Variants in GBF1 observed in about 807,000 individuals in gnomAD.
GBF1 encodes Golgi-specific brefeldin A-resistance guanine nucleotide exchange factor 1.
Under a neutral mutation model 210.5 loss-of-function variants are expected in GBF1, and 114 were observed. The ratio of observed to expected loss-of-function variants is 0.54; its 90% CI spans 0.47 to 0.63. GBF1 has a LOEUF of 0.63. GBF1 is among the 30% of genes least tolerant of loss of function. The pLI is 0.00. For synonymous variants in GBF1, 850 were observed against 889.2 expected (o/e 0.96, Z 0.78); for missense variants, 1,851 against 2,357.7 (o/e 0.79, Z 4.45).
In GBF1 at chr10:102,363,890, C is replaced by A; in HGVS notation, c.2106+92C>A. 1.3e-6 allele frequency: 1 copy of A among 786,504 alleles called. No individual in the cohort carries two copies. The highest frequency in any genetic ancestry group is 2.2e-6 in the Non-Finnish European group (1 of 460,124). The allele number at this position is 786,504 out of a possible 1,614,324, so 48.7% of individuals were successfully genotyped here. On this transcript the variant is annotated intron_variant, in intron 17 of 39. Coordinates refer to ENST00000369983, the MANE Select transcript of GBF1 (RefSeq NM_001377137.1). This position sits in a 1 kb window ranked among gnomAD's most constrained non-coding sequence, Gnocchi z 4.2. ...TCTCAGAAGATGAAGGAGAGTCTAG[C>A]ACCTCATTGTACAGCTTCCTGAGGC...
At chr10:102,232,559 G>A in the GBF1 span, among the ~76,000 whole-genome samples, 1 of 152,258 alleles carries the variant, frequency 6.6e-6, no homozygotes, top group East Asian at 1.9e-4. Context: ...GCACGTGCCT[G>A]TAATCTCAGC....
chr10:102,289,248 T>C (rs545042767), intron 3 of GBF1, among the ~76,000 whole-genome samples: 4 of 152,350 alleles, frequency 2.6e-5, no homozygotes, highest in African/African-American at 9.6e-5. Flanking sequence ...TGTTTGGTAA[T>C]CATTCCAGCT....
In GBF1 at chr10:102,327,199, G is replaced by A. The variant is rs1037373345; in HGVS notation, c.164-16852G>A. Among the ~76,000 whole-genome samples, 7 of 152,274 alleles carry A rather than the reference G, an allele frequency of 4.6e-5. 1 individual carries two copies. The Middle Eastern group carries it at 0.01, about 222-fold the overall frequency. On this transcript the variant is annotated intron_variant, in intron 3 of 39. Transcript: ENST00000369983. The stretch of plus-strand genomic sequence containing the variant: ...ACCTGTTTCAGCTTTTTAAGTGTCC[G>A]ATTCAGGCCACTGTGCTCTGGCAGC...
intron 1 of GBF1, among the ~76,000 whole-genome samples, chr10:102,256,129 A>G (rs1239235320): frequency 6.6e-6 from 1 of 152,068 alleles, no homozygotes; most frequent in Non-Finnish European, 1.5e-5. Flanking sequence ...TATTTTTTAT[A>G]GAGACAGGGT....
intron 3 of GBF1, among the ~76,000 whole-genome samples, chr10:102,326,197 C>A (rs1257689291): frequency 6.6e-6 from 1 of 152,142 alleles, no homozygotes; most frequent in Non-Finnish European, 1.5e-5. Flanking sequence ...CAAGTTTACG[C>A]CAAGTATGTA....
At chr10:102,347,301 A>G (rs774544841) in intron 4 of GBF1, among the ~76,000 whole-genome samples, 1 of 152,218 alleles carries the variant, frequency 6.6e-6, no homozygotes, top group African/African-American at 2.4e-5. Context: ...CTGGGTACCA[A>G]CTAGCTTCTG....
At chr10:102,296,464 G>T (rs1008727378) in intron 3 of GBF1, among the ~76,000 whole-genome samples, 1 of 152,146 alleles carries the variant, frequency 6.6e-6, no homozygotes, top group African/African-American at 2.4e-5. Context: ...AGAATTGTAG[G>T]CCAGACGCGG....
At chr10:102,244,438 G>A (rs3758549), upstream of GBF1, among the ~76,000 whole-genome samples, 21,799 of 152,138 alleles carry the variant, frequency 0.14, 1,895 homozygotes, top group Non-Finnish European at 0.2. Flanking sequence ...CTCTTCTCAC[G>A]CATTCTCACT....
chr10:102,382,092 G>A lies in GBF1; in HGVS notation c.5339G>A (p.Ser1780Asn). The A allele has an allele frequency of 6.4e-7, 1 of 1,571,890 alleles. No individual in the cohort carries two copies. Reference protein sequence around the residue: ...EKPESPRAASSSSPGSPVASS... With the variant: ...EKPESPRAASNSSPGSPVASS... ...CCCGAGAGCCCCCGAGCCGCCAGCA[G>A]CAGCTCCCCAGGATCACCAGTGGCC... Residue 1780 changes from serine to asparagine, a missense_variant, in exon 40 of 40, where the codon AGC (serine) becomes AAC (asparagine). By Grantham distance (46) the Ser-to-Asn change is conservative. This residue lies in a region of GBF1 where 967 missense variants were observed against 1,247.7 expected (regional missense o/e 0.78). Coordinates refer to ENST00000369983, the MANE Select transcript of GBF1 (RefSeq NM_001377137.1).
intron 3 of GBF1, among the ~76,000 whole-genome samples, chr10:102,266,062 C>A (rs2073836436): frequency 6.6e-6 from 1 of 152,010 alleles, no homozygotes; most frequent in South Asian, 2.1e-4. Context: ...ACGGTGAAAC[C>A]CCGTCTCTAC....
At chr10:102,230,897 A>G in the GBF1 span, 21 of 1,611,434 alleles carry the variant, frequency 1.3e-5, no homozygotes, top group South Asian at 1.4e-4. Flanking sequence ...ACGTTGACCG[A>G]GTTGAAGGCG....
At chr10:102,368,888 G>A (rs2060054848) in intron 23 of GBF1, 56 bp downstream of exon 23, 1 of 1,194,566 alleles carries the variant, frequency 8.4e-7, no homozygotes, top group Admixed American at 1.7e-5. Context: ...CTCTCTTTTA[G>A]CCATGGATCT....
chr10:102,368,324 C>CA lies in GBF1; in HGVS notation c.2749_2750insA (p.Arg917GlnfsTer8). 2 of 1,613,362 alleles carry CA rather than the reference C, an allele frequency of 1.2e-6. No homozygotes were observed. Among genetic ancestry groups the CA allele is most frequent in the Non-Finnish European group, 1.7e-6 (2 of 1,179,274 alleles). On this transcript the variant is annotated frameshift_variant, in exon 22 of 40. Transcript: ENST00000369983. LOFTEE classifies it high-confidence loss of function. ...TGCCACCCCTGAGGGCATATTCCTG[C>CA]GTGTGCCTACTGCCAGCTATGATCT...
intron 3 of GBF1, among the ~76,000 whole-genome samples, chr10:102,285,744 G>A (rs1589486493): frequency 6.6e-6 from 1 of 152,166 alleles, no homozygotes; most frequent in Non-Finnish European, 1.5e-5. Context: ...GGAGAAAACT[G>A]GTACAGAAAT....
chr10:102,324,518 G>A (rs1589640596), intron 3 of GBF1, among the ~76,000 whole-genome samples: 1 of 152,302 alleles, frequency 6.6e-6, no homozygotes, highest in East Asian at 1.9e-4. Flanking sequence ...TTTGGAGTTG[G>A]ATAGACCTGG....
chr10:102,320,430 T>C (rs1004285105), intron 3 of GBF1, among the ~76,000 whole-genome samples: 5 of 152,344 alleles, frequency 3.3e-5, no homozygotes, highest in African/African-American at 1.2e-4. Flanking sequence ...TGCAAAATTA[T>C]ATCATTTGAT....
chr10:102,292,564 C>T (rs530332500), intron 3 of GBF1, among the ~76,000 whole-genome samples: 31 of 152,014 alleles, frequency 2.0e-4, no homozygotes, highest in Middle Eastern at 3.2e-3. Flanking sequence ...ATGGGGTTCT[C>T]GCCAGTTCTG....
At chr10:102,249,891 C>T (rs920422898) in intron 1 of GBF1, among the ~76,000 whole-genome samples, 59 of 152,006 alleles carry the variant, frequency 3.9e-4, no homozygotes, top group African/African-American at 1.4e-3. Context: ...GTGGTTTCAC[C>T]ATATTGGCCA....
chr10:102,350,916 T>C (rs902678329), intron 4 of GBF1, among the ~76,000 whole-genome samples: 2 of 152,052 alleles, frequency 1.3e-5, no homozygotes, highest in African/African-American at 4.8e-5. Context: ...AAACCCCATC[T>C]CTACTAAAAG....
Sources: allele counts gnomAD v4.1 joint callset (sites outside exome capture counted in the v4.1 genomes callset), GRCh38; gene constraint gnomAD v4.1.1; regional missense constraint gnomAD v4.1.1; non-coding constraint Gnocchi (gnomAD v3.1); transcripts MANE v1.5; gene names NCBI Gene and HGNC (gene_info 2026-07-23, HGNC 2026-07-21).